ANKRD55: variants seen among roughly 807,000 people sequenced by gnomAD.
The protein encoded by ANKRD55 is ankyrin repeat domain-containing protein 55.
ANKRD55 carries 41 observed loss-of-function variants against 60.6 expected under a neutral mutation model. The ratio of observed to expected loss-of-function variants is 0.68; its 90% confidence interval spans 0.53 to 0.88. The LOEUF is 0.88. ANKRD55 is among the 40% of genes least tolerant of loss of function. The pLI, the probability that ANKRD55 is intolerant of heterozygous loss-of-function variation, is 0.00. For synonymous variants in ANKRD55, 264 were observed against 290.3 expected, an observed-to-expected ratio of 0.91 and a Z score of 0.92; for missense variants, 732 against 767.6, an observed-to-expected ratio of 0.95 and a Z score of 0.55.
chr5:56,107,856 A>T (rs372523903), intron 10 of ANKRD55, among the ~76,000 whole-genome samples: 91 of 151,102 alleles, frequency 6.0e-4, no homozygotes, highest in African/African-American at 2.1e-3. Context: ...GACTTCTTTC[A>T]TGTGATAGCA....
chr5:56,224,499 G>A (rs1003255438), intron 2 of ANKRD55, among the ~76,000 whole-genome samples: 3 of 152,276 alleles, frequency 2.0e-5, no homozygotes, highest in South Asian at 2.1e-4. Flanking sequence ...GAGCAGAACT[G>A]AAGGAGATAG....
At chr5:56,137,201 G>C (rs1757628308) in intron 7 of ANKRD55, 1 of 1,610,326 alleles carries the variant, frequency 6.2e-7, no homozygotes, top group Non-Finnish European at 8.5e-7. Flanking sequence ...AGGCCAAGCA[G>C]TGGGGCTGGA....
chr5:56,137,979 C>T (rs1030235359), intron 7 of ANKRD55, among the ~76,000 whole-genome samples: 6 of 152,128 alleles, frequency 3.9e-5, no homozygotes, highest in Non-Finnish European at 7.4e-5. Flanking sequence ...TGAGATACCA[C>T]AGTGCATTGA....
At chr5:56,187,579 G>A (rs1408449649) in intron 2 of ANKRD55, among the ~76,000 whole-genome samples, 3 of 152,196 alleles carry the variant, frequency 2.0e-5, no homozygotes, top group Non-Finnish European at 4.4e-5. Context: ...CAGACCCGCC[G>A]CTGACTTCTA....
At position 56,126,994 on chromosome 5, in the gene ANKRD55, C is replaced by G. The variant is rs777120326; in HGVS notation, c.725G>C (p.Gly242Ala). 35 of 1,613,598 alleles carry G rather than the reference C, an allele frequency of 2.2e-5. No individual in the cohort carries two copies. Among genetic ancestry groups the G allele is most frequent in the Middle Eastern group, 1.6e-4 (1 of 6,078 alleles). ...CAGCTCATGAATAATATCGCTGAAG[C>G]CCGCTGCCGCTGCGATATGTACACA... ...KTCVHIAAAA[G>A]FSDIIHELAR... The change falls in exon 8 of 12, where the codon GGC becomes GCC. Residue 242 changes from glycine (G) to alanine (A), a missense_variant. Gly to Ala is a moderately conservative substitution (Grantham distance 60). Transcript: ENST00000341048.
At chr5:56,185,856 C>T (rs1487772672) in intron 2 of ANKRD55, among the ~76,000 whole-genome samples, 1 of 152,220 alleles carries the variant, frequency 6.6e-6, no homozygotes, top group African/African-American at 2.4e-5. Flanking sequence ...GCCGGTTGAC[C>T]TGTCTGTCCC....
In ANKRD55 at chr5:56,111,247, CCTGATTAGAATCACT is replaced by C. The variant is rs781625785; in HGVS notation, c.1486_1500del (p.Ser496_Gln500del). On this transcript the variant is annotated inframe_deletion, in exon 10 of 12. Coordinates refer to ENST00000341048, the MANE Select transcript of ANKRD55 (RefSeq NM_024669.3). The stretch of plus-strand genomic sequence containing the variant: ...ACAGTCCAAACTTTGTAGGAAAATA[CCTGATTAGAATCACT>C]CTTCCAGGGGTTATCTAGTAACATC... 1.1e-4 allele frequency: 185 copies of C among 1,614,036 alleles called. No individual in the cohort carries two copies. The highest frequency in any genetic ancestry group is 1.5e-4 in the Non-Finnish European group (180 of 1,180,038).
Position 56,159,818 on chromosome 5 carries a change from G to T in ANKRD55, c.483+15C>A, listed in dbSNP as rs13186299. 6.2e-7 allele frequency: 1 copy of T among 1,613,010 alleles called. No homozygotes were observed. Among genetic ancestry groups the T allele is most frequent in the Non-Finnish European group, 8.5e-7 (1 of 1,179,180 alleles). On this transcript the variant is annotated intron_variant, in intron 6 of 11. Transcript: ENST00000341048. ...CATGCAAAATGACCACTTGTTGCTT[G>T]AGAGTGTGGCTCACCTCATTGTCCT... is the stretch of plus-strand genomic sequence containing the variant.
chr5:56,196,255 T>C (rs1001268654), intron 2 of ANKRD55, among the ~76,000 whole-genome samples: 1 of 152,248 alleles, frequency 6.6e-6, no homozygotes, highest in Non-Finnish European at 1.5e-5. Flanking sequence ...CTTAGAACAC[T>C]GTCTGTCCCA....
chr5:56,210,488 G>T (rs984084792), intron 2 of ANKRD55, among the ~76,000 whole-genome samples: 2 of 149,198 alleles, frequency 1.3e-5, no homozygotes, highest in African/African-American at 5.0e-5. Flanking sequence ...CGTGAACCCG[G>T]GAGGCGGAGC....
chr5:56,226,476 A>G (rs2111897377), intron 2 of ANKRD55, among the ~76,000 whole-genome samples: 1 of 152,028 alleles, frequency 6.6e-6, no homozygotes, highest in East Asian at 1.9e-4. Context: ...GCCAAAATTG[A>G]CAAATGGGAT....
Position 56,195,066 on chromosome 5 carries a change from T to G in ANKRD55, c.59-11432A>C, listed in dbSNP as rs147188134. 8.9e-4 allele frequency among the ~76,000 whole-genome samples: 136 copies of G among 152,224 alleles called. 4 individuals are homozygous for G. In the Middle Eastern group the frequency reaches 0.021, roughly 23 times the overall value. ...ATTAAAAACAATAGAAAATGCAGAG[T>G]GCTTAAATGTGATATATTGAAAGAG... is the stretch of plus-strand genomic sequence containing the variant. On this transcript the variant is annotated intron_variant, in intron 2 of 11. Transcript: ENST00000341048.
At chr5:56,145,291 C>G (rs1757869640) in intron 6 of ANKRD55, among the ~76,000 whole-genome samples, 1 of 152,214 alleles carries the variant, frequency 6.6e-6, no homozygotes. Flanking sequence ...ATAGGTGCAG[C>G]CACATGACTG....
At chr5:56,121,946 C>A (rs56707337) in intron 8 of ANKRD55, among the ~76,000 whole-genome samples, 13,809 of 152,116 alleles carry the variant, frequency 0.091, 1,646 homozygotes, top group African/African-American at 0.27. Flanking sequence ...CAAGGCTTGG[C>A]TTTGTCTTGG....
At chr5:56,222,291 G>C (rs1007057958) in intron 2 of ANKRD55, among the ~76,000 whole-genome samples, 10 of 152,194 alleles carry the variant, frequency 6.6e-5, no homozygotes, top group African/African-American at 2.4e-4. Context: ...GGTCATGACT[G>C]TTAGAAGGAA....
chr5:56,144,579 G>A (rs1405197716), intron 6 of ANKRD55, among the ~76,000 whole-genome samples: 1 of 152,136 alleles, frequency 6.6e-6, no homozygotes, highest in African/African-American at 2.4e-5. Context: ...GGGTGGGATG[G>A]GGGATAACTG....
At chr5:56,180,884 GT>G (rs1758836386) in intron 3 of ANKRD55, among the ~76,000 whole-genome samples, 1 of 152,194 alleles carries the variant, frequency 6.6e-6, no homozygotes, top group Non-Finnish European at 1.5e-5. Flanking sequence ...AAAAGTAATA[GT>G]TTTCTTTTTT....
At chr5:56,209,124 T>C (rs1759592850) in intron 2 of ANKRD55, among the ~76,000 whole-genome samples, 1 of 151,952 alleles carries the variant, frequency 6.6e-6, no homozygotes, top group Non-Finnish European at 1.5e-5. Context: ...ATCTTGCTGA[T>C]TTTTGTATTT....
intron 6 of ANKRD55, among the ~76,000 whole-genome samples, chr5:56,145,324 A>G (rs1757870537): frequency 6.6e-6 from 1 of 152,206 alleles, no homozygotes; most frequent in Non-Finnish European, 1.5e-5. Flanking sequence ...TGGAATGTGG[A>G]CAGAGGAGAT....
Sources: gnomAD v4.1 joint callset for allele counts (sites outside exome capture counted in the v4.1 genomes callset) on GRCh38, gnomAD v4.1.1 for gene constraint, MANE v1.5 for transcripts, NCBI Gene and HGNC (gene_info 2026-07-23, HGNC 2026-07-21) for gene names.